Variants in WASHC5 observed in about 807,000 individuals in gnomAD.
WASHC5 encodes WASH complex subunit strumpellin.
A neutral mutation model predicts 150.4 loss-of-function variants in WASHC5; 101 were observed. The ratio of observed to expected loss-of-function variants is 0.67; its 90% CI spans 0.57 to 0.79. The LOEUF (loss-of-function observed/expected upper bound fraction) is 0.79. Among genes scored for constraint, WASHC5 ranks in the 30% least tolerant of loss-of-function variants. WASHC5 has a pLI of 0.00. For synonymous variants in WASHC5, 467 were observed against 491.2 expected (o/e 0.95, Z 0.65); for missense variants, 1,195 against 1,396.3 (o/e 0.86, Z 2.30).
In WASHC5 at chr8:125,037,315, G is replaced by T; in HGVS notation, c.3103C>A (p.Arg1035Ser). 1 of 1,608,012 alleles carries T rather than the reference G, an allele frequency of 6.2e-7. No individual in the cohort carries two copies. The highest frequency in any genetic ancestry group is 8.5e-7 in the Non-Finnish European group (1 of 1,174,616). The part of the protein sequence containing the change: ...PLNKIYITTK[R>S]LPYFPIVNFL... ...TTTACAATTGGAAAATAGGGTAAGC[G>T]CTTTGTTGTTATGTATATCTGGAAA... Residue 1035 changes from arginine (R) to serine (S), a missense_variant, in exon 26 of 29, where the codon CGC becomes AGC. Around this residue, in one of 3 missense-constraint regions of WASHC5, gnomAD observed 997 missense variants for 1,168.1 expected, o/e 0.85. Coordinates refer to ENST00000318410, the MANE Select transcript of WASHC5 (RefSeq NM_014846.4).
intron 5 of WASHC5, among the ~76,000 whole-genome samples, chr8:125,081,265 T>G (rs1348682296): frequency 1.4e-5 from 2 of 146,712 alleles, no homozygotes; most frequent in Admixed American, 7.2e-5. Context: ...TGAGACATAG[T>G]CTCGCTCTGT....
At chr8:125,051,764 G>A (rs11986339) in intron 17 of WASHC5, among the ~76,000 whole-genome samples, 16,619 of 152,196 alleles carry the variant, frequency 0.11, 2,127 homozygotes, top group African/African-American at 0.31. Flanking sequence ...GCACATGCCT[G>A]TTGTCCCAGT....
At chr8:125,087,794 T>C (rs967255529) in intron 1 of WASHC5, among the ~76,000 whole-genome samples, 1 of 150,952 alleles carries the variant, frequency 6.6e-6, no homozygotes. Flanking sequence ...CTATTAAGAA[T>C]AGTTCATATC....
chr8:125,027,140 G>A (rs1043656067), intron 28 of WASHC5, among the ~76,000 whole-genome samples: 17 of 151,932 alleles, frequency 1.1e-4, no homozygotes, highest in East Asian at 3.9e-4. Context: ...TTTTTTAATC[G>A]ATTGATGTAT....
intron 10 of WASHC5, among the ~76,000 whole-genome samples, chr8:125,067,250 T>A (rs1328416243): frequency 2.0e-5 from 3 of 152,166 alleles, no homozygotes; most frequent in African/African-American, 7.2e-5. Context: ...ACTCCTGACC[T>A]CAGGTGATCT....
Position 125,067,575 on chromosome 8 carries a change from C to A in WASHC5, c.1278+17G>T. 1 of 1,596,432 alleles carries A rather than the reference C, an allele frequency of 6.3e-7. No individual in the cohort carries two copies. The highest frequency in any genetic ancestry group is 1.1e-5 in the South Asian group (1 of 90,604). On this transcript the variant is annotated intron_variant, in intron 10 of 28. Transcript: ENST00000318410. ...AAAAAGCTAAGACTGTGGTGATATT[C>A]ATTCAAATATTTTTACCTCTTTGAG... is the stretch of plus-strand genomic sequence containing the variant.
At chr8:125,033,152 G>A (rs1815590638) in intron 26 of WASHC5, among the ~76,000 whole-genome samples, 1 of 152,122 alleles carries the variant, frequency 6.6e-6, no homozygotes, top group African/African-American at 2.4e-5. Context: ...AGAGATTAGG[G>A]TCTTCCAGAA....
intron 27 of WASHC5, among the ~76,000 whole-genome samples, chr8:125,029,106 A>G (rs1815455422): frequency 6.8e-6 from 1 of 146,934 alleles, no homozygotes. Flanking sequence ...ATCTCGGCTC[A>G]CTGCAACCTC....
At position 125,083,824 on chromosome 8, in the gene WASHC5, G is replaced by C; in HGVS notation, c.75C>G (p.Ile25Met). Residue 25 changes from isoleucine (I) to methionine (M), a missense_variant, in exon 2 of 29, where the codon ATC becomes ATG. Coordinates refer to ENST00000318410, the MANE Select transcript of WASHC5 (RefSeq NM_014846.4). ...ILRIVSCGNA[I>M]IAELLRLSEF... ...CAGAGAGTCTCAAAAGTTCAGCAAT[G>C]ATGGCATTACCACAGGAAACAATCC... The C allele has an allele frequency of 6.2e-7, 1 of 1,614,034 alleles. No homozygotes were observed. The highest frequency in any genetic ancestry group is 8.5e-7 in the Non-Finnish European group (1 of 1,179,934).
chr8:125,078,171 T>A (rs1318828704), intron 6 of WASHC5, among the ~76,000 whole-genome samples: 1 of 152,194 alleles, frequency 6.6e-6, no homozygotes, highest in African/African-American at 2.4e-5. Context: ...CTACTACACA[T>A]ACTGGCAAGG....
At chr8:125,047,997 T>A (rs966684600) in intron 19 of WASHC5, among the ~76,000 whole-genome samples, 2 of 152,180 alleles carry the variant, frequency 1.3e-5, no homozygotes, top group African/African-American at 4.8e-5. Context: ...AGGCATGAGC[T>A]ACTGTACCTG....
At chr8:125,054,599 C>T (rs1429034922) in intron 17 of WASHC5, among the ~76,000 whole-genome samples, 2 of 151,840 alleles carry the variant, frequency 1.3e-5, no homozygotes, top group Non-Finnish European at 2.9e-5. Context: ...TTTGGGAGGC[C>T]GAGGCGGGCG....
At chr8:125,078,281 G>T (rs907125890) in intron 6 of WASHC5, among the ~76,000 whole-genome samples, 5 of 151,980 alleles carry the variant, frequency 3.3e-5, no homozygotes, top group Non-Finnish European at 5.9e-5. Flanking sequence ...CACCTGTTGT[G>T]ACCTTGCTGC....
chr8:125,067,529 T>A (rs183039375), intron 10 of WASHC5, 63 bp downstream of exon 10: 18,971 of 1,401,528 alleles, frequency 0.014, 145 homozygotes, highest in Non-Finnish European at 0.015. Flanking sequence ...GTCTTTTTTT[T>A]AAAAAATATT....
intron 17 of WASHC5, among the ~76,000 whole-genome samples, chr8:125,052,609 T>TACACACACACACACACACACACAC (rs34684600): frequency 7.1e-6 from 1 of 141,798 alleles, no homozygotes; most frequent in Non-Finnish European, 1.5e-5. Flanking sequence ...TCACACACAC[T>TACACACACACACACACACACACAC]ACACACACAC....
intron 17 of WASHC5, among the ~76,000 whole-genome samples, chr8:125,051,876 C>CT (rs1171497038): frequency 6.6e-6 from 1 of 152,052 alleles, no homozygotes; most frequent in African/African-American, 2.4e-5. Flanking sequence ...GAGTGAAACT[C>CT]TGTCTCAAAA....
At position 125,047,443 on chromosome 8, in the gene WASHC5, TG is replaced by T. The variant is rs1429067328; in HGVS notation, c.2380-113del. 16 of 1,155,482 alleles carry T rather than the reference TG, an allele frequency of 1.4e-5. No homozygotes were observed. In the Admixed American group the frequency reaches 2.0e-4, roughly 14 times the overall value. The allele number at this position is 1,155,482 out of a possible 1,614,324, so 71.6% of individuals were successfully genotyped here. A position where few individuals can be genotyped will look rare whatever the true frequency, so the allele number is the denominator to read the frequency against. On this transcript the variant is annotated intron_variant, in intron 19 of 28. Transcript: ENST00000318410. ...TTGCATAAAGAGTGACAATAAAGGT[TG>T]TTTTTTTTTTTTAGATGGAGTCTCG...
In WASHC5 at chr8:125,043,875, T is replaced by C. The variant is rs200770153; in HGVS notation, c.2800A>G (p.Ile934Val). ...GTCCAAATCTTCTGTGTTTTGGCAA[T>C]GGCGGAAAAATAAATTTTATTTGAA... is the stretch of plus-strand genomic sequence containing the variant. ...ANSNKIYFSA[I>V]AKTQKIWTAY... The change falls in exon 23 of 29, where the codon ATT (isoleucine) becomes GTT (valine). Residue 934 changes from isoleucine to valine, a missense_variant. Transcript: ENST00000318410. The C allele has an allele frequency of 6.2e-7, 1 of 1,613,298 alleles. No individual in the cohort carries two copies. Among genetic ancestry groups the C allele is most frequent in the East Asian group, 2.2e-5 (1 of 44,882 alleles).
chr8:125,048,528 A>T (rs1415214909), intron 19 of WASHC5, among the ~76,000 whole-genome samples: 5 of 152,224 alleles, frequency 3.3e-5, no homozygotes, highest in Non-Finnish European at 5.9e-5. Context: ...AATTTTAAAA[A>T]ATTGAAAATA....
Sources: allele counts gnomAD v4.1 joint callset (sites outside exome capture counted in the v4.1 genomes callset), GRCh38; gene constraint gnomAD v4.1.1; regional missense constraint gnomAD v4.1.1; transcripts MANE v1.5; gene names NCBI Gene and HGNC (gene_info 2026-07-23, HGNC 2026-07-21).